R3HCC1L: variants seen among roughly 807,000 people sequenced by gnomAD.
The protein encoded by R3HCC1L is R3H domain and coiled-coil containing 1 like.
R3HCC1L carries 51 observed loss-of-function variants against 59.9 expected under a neutral mutation model. That is an observed-to-expected ratio of 0.85 (90% confidence interval 0.68 to 1.07). R3HCC1L has a LOEUF of 1.07. R3HCC1L is among the 50% of genes least tolerant of loss of function. The probability of loss-of-function intolerance (pLI) is 0.00; values close to 1 mark genes in which losing one functional copy is unlikely to be tolerated. For missense variants in R3HCC1L, 965 were observed against 933.0 expected (o/e 1.03, Z -0.45); for synonymous variants, 322 against 315.2 (o/e 1.02, Z -0.23).
chr10:98,185,085 C>T (rs1474271790), intron 4 of R3HCC1L, among the ~76,000 whole-genome samples: 2 of 152,184 alleles, frequency 1.3e-5, no homozygotes, highest in Non-Finnish European at 2.9e-5. Flanking sequence ...TAACTTTCTT[C>T]ATCCTAAGCA....
In R3HCC1L at chr10:98,173,642, G is replaced by A. The variant is rs367644656; in HGVS notation, c.-15+10245G>A. On this transcript the variant is annotated intron_variant, in intron 4 of 9. Coordinates refer to ENST00000298999, the MANE Select transcript of R3HCC1L (RefSeq NM_001351015.2). ...TTTTTCCAGTGATTTACCTGACAGC[G>A]GGCTGTGATAAATACCCCTAAGCAG... is the stretch of plus-strand genomic sequence containing the variant. Among the ~76,000 whole-genome samples the A allele has an allele frequency of 3.3e-5, 5 of 152,112 alleles. No homozygotes were observed. In the South Asian group the frequency reaches 1.0e-3, roughly 32 times the overall value.
chr10:98,167,978 C>G (rs999842334), intron 4 of R3HCC1L, among the ~76,000 whole-genome samples: 2 of 152,044 alleles, frequency 1.3e-5, no homozygotes, highest in African/African-American at 4.8e-5. Flanking sequence ...GGTAAAGCCC[C>G]CAAAGCTTTA....
intron 1 of R3HCC1L, among the ~76,000 whole-genome samples, 187 bp downstream of exon 1, chr10:98,134,893 G>A (rs1844383420): frequency 6.6e-6 from 1 of 152,196 alleles, no homozygotes; most frequent in African/African-American, 2.4e-5. Context: ...CCCGCCTTCT[G>A]ACCCCTGCGG....
intron 4 of R3HCC1L, among the ~76,000 whole-genome samples, chr10:98,185,374 C>T (rs1423204445): frequency 6.6e-6 from 1 of 151,948 alleles, no homozygotes; most frequent in African/African-American, 2.4e-5. Context: ...GGTAATTATA[C>T]TAAAGTAATG....
intron 4 of R3HCC1L, chr10:98,186,571 C>T (rs1325493): frequency 1 from 926,935 of 927,928 alleles, 462,985 homozygotes; most frequent in Non-Finnish European, 1. Flanking sequence ...AAGGTAGTGA[C>T]CATTGCCACT....
intron 5 of R3HCC1L, among the ~76,000 whole-genome samples, chr10:98,230,844 C>G (rs970253360): frequency 1.3e-5 from 2 of 152,116 alleles, no homozygotes; most frequent in Non-Finnish European, 2.9e-5. Flanking sequence ...GTGTGAAGTT[C>G]AGCTTTTTTT....
intron 5 of R3HCC1L, among the ~76,000 whole-genome samples, chr10:98,215,652 G>A (rs1854107924): frequency 6.6e-6 from 1 of 152,142 alleles, no homozygotes; most frequent in Admixed American, 6.5e-5. Context: ...AGACACCTTT[G>A]TACTTGTGTA....
chr10:98,219,042 G>C (rs1854560010), intron 5 of R3HCC1L, among the ~76,000 whole-genome samples: 1 of 152,196 alleles, frequency 6.6e-6, no homozygotes, highest in Non-Finnish European at 1.5e-5. Flanking sequence ...TTCCTGAGTA[G>C]CTGGGATTAT....
rs75189750 is a variant in R3HCC1L, at chr10:98,224,565, A to G, written c.1786-6947A>G. 2.8e-3 allele frequency among the ~76,000 whole-genome samples: 427 copies of G among 152,288 alleles called. 2 individuals are homozygous for G. Among genetic ancestry groups the G allele is most frequent in the Middle Eastern group, 0.01 (3 of 294 alleles). On this transcript the variant is annotated intron_variant, in intron 5 of 9. Transcript: ENST00000298999. The stretch of plus-strand genomic sequence containing the variant: ...GGGAAGTTAATTTTAATTTAGTTGA[A>G]TGGTTTTGTGGAAGCTAGTTGTGCA...
rs748511987 is a variant in R3HCC1L at position 98,208,113 on chromosome 10, C to T, written c.-2C>T. 1.2e-6 allele frequency: 2 copies of T among 1,601,876 alleles called. No individual in the cohort carries two copies. The highest frequency in any genetic ancestry group is 1.7e-6 in the Non-Finnish European group (2 of 1,174,784). On this transcript the variant is annotated 5_prime_UTR_variant, in exon 5 of 10. Coordinates refer to ENST00000298999, the MANE Select transcript of R3HCC1L (RefSeq NM_001351015.2). ...TCTTCTCTTGCAGATTGTGGTGGTG[C>T]CATGCAGCAAGAATCAGAGAGATGC...
intron 4 of R3HCC1L, among the ~76,000 whole-genome samples, chr10:98,165,272 C>G (rs971719874): frequency 2.0e-5 from 3 of 152,098 alleles, no homozygotes; most frequent in African/African-American, 7.2e-5. Flanking sequence ...CTCAAAAAAT[C>G]AAATAACAAA....
intron 4 of R3HCC1L, among the ~76,000 whole-genome samples, chr10:98,178,801 A>G (rs1239443646): frequency 2.0e-5 from 3 of 152,236 alleles, no homozygotes; most frequent in Admixed American, 1.3e-4. Flanking sequence ...TTGGATTCCT[A>G]GATATTTTAT....
intron 2 of R3HCC1L, among the ~76,000 whole-genome samples, chr10:98,162,354 G>A: frequency 6.6e-6 from 1 of 152,084 alleles, no homozygotes; most frequent in East Asian, 1.9e-4. Flanking sequence ...ACACATAAAA[G>A]TTTCTGAAAC....
intron 4 of R3HCC1L, among the ~76,000 whole-genome samples, chr10:98,164,651 CTG>C: frequency 6.6e-6 from 1 of 152,178 alleles, no homozygotes; most frequent in East Asian, 1.9e-4. Context: ...TACTAACACA[CTG>C]TGCTGTCCCA....
chr10:98,182,548 C>T (rs560329053), intron 4 of R3HCC1L, among the ~76,000 whole-genome samples: 9 of 152,238 alleles, frequency 5.9e-5, no homozygotes, highest in East Asian at 3.9e-4. Flanking sequence ...ACACCGTGCT[C>T]GGAGAACCAC....
intron 9 of R3HCC1L, among the ~76,000 whole-genome samples, chr10:98,243,485 T>G (rs12258651): frequency 0.13 from 19,366 of 152,260 alleles, 1,282 homozygotes; most frequent in Middle Eastern, 0.17. Context: ...TTATCCAGAT[T>G]TGTATATTTT....
At chr10:98,177,781 GTGA>G (rs1399154054) in intron 4 of R3HCC1L, among the ~76,000 whole-genome samples, 2 of 152,192 alleles carry the variant, frequency 1.3e-5, no homozygotes, top group Non-Finnish European at 2.9e-5. Flanking sequence ...CTGATCACCA[GTGA>G]TGATGAGCAT....
At chr10:98,237,689 G>C (rs536813507) in intron 9 of R3HCC1L, among the ~76,000 whole-genome samples, 12 of 152,126 alleles carry the variant, frequency 7.9e-5, no homozygotes, top group Non-Finnish European at 1.6e-4. Flanking sequence ...CTACCTATTG[G>C]TGCTGAGGCT....
At chr10:98,230,382 G>GTCTA (rs1856228725) in intron 5 of R3HCC1L, among the ~76,000 whole-genome samples, 1 of 152,124 alleles carries the variant, frequency 6.6e-6, no homozygotes, top group African/African-American at 2.4e-5. Context: ...GGTGTTTATA[G>GTCTA]TATTCTCTGA....
Sources: gnomAD v4.1 joint callset for allele counts (sites outside exome capture counted in the v4.1 genomes callset) on GRCh38, gnomAD v4.1.1 for gene constraint, MANE v1.5 for transcripts, NCBI Gene and HGNC (gene_info 2026-07-23, HGNC 2026-07-21) for gene names.